The following NFIB variants were observed in gnomAD, a reference collection of about 807,000 sequenced individuals.
NFIB encodes nuclear factor I B.
NFIB carries 11 observed loss-of-function variants against 61.5 expected under a neutral mutation model. That is an observed-to-expected ratio of 0.18 (90% CI 0.11 to 0.30). The LOEUF (loss-of-function observed/expected upper bound fraction) is 0.30, where lower values mean the gene tolerates loss of function less well. Ranked by LOEUF, NFIB falls within the 10% of genes least tolerant of loss-of-function variation. NFIB has a pLI of 1.00. For missense variants in NFIB, 471 were observed against 608.9 expected (o/e 0.77, Z 2.38); for synonymous variants, 260 against 216.5 (o/e 1.20, Z -1.76).
intron 1 of NFIB, among the ~76,000 whole-genome samples, chr9:14,376,253 T>C (rs2061417907): frequency 1.3e-5 from 2 of 152,168 alleles, no homozygotes; most frequent in Non-Finnish European, 2.9e-5. Flanking sequence ...TGTGCATAAC[T>C]AAAGAGCAGA....
chr9:14,280,331 T>C (rs1044431390), intron 2 of NFIB, among the ~76,000 whole-genome samples: 4 of 152,096 alleles, frequency 2.6e-5, no homozygotes, highest in Non-Finnish European at 5.9e-5. Context: ...GGGGCTGATG[T>C]AAGGAATAGA....
At chr9:14,395,901 TG>T (rs1410301128) in intron 1 of NFIB, among the ~76,000 whole-genome samples, 2 of 149,668 alleles carry the variant, frequency 1.3e-5, no homozygotes, top group Non-Finnish European at 3.0e-5. Context: ...GGGGTGTGGG[TG>T]GGGGTGGGGA....
chr9:14,366,407 C>T (rs2061300582), intron 1 of NFIB, among the ~76,000 whole-genome samples: 2 of 152,224 alleles, frequency 1.3e-5, no homozygotes, highest in Admixed American at 1.3e-4. Flanking sequence ...CTGCTGAAGA[C>T]AAGACCACTT....
At chr9:14,315,716 G>A (rs1173049975), upstream of NFIB, among the ~76,000 whole-genome samples, 1 of 151,392 alleles carries the variant, frequency 6.6e-6, no homozygotes, top group Admixed American at 6.6e-5. Context: ...AAGGCGGTTC[G>A]CCTTGCACCC....
At chr9:14,268,788 T>C (rs1386660707) in intron 2 of NFIB, among the ~76,000 whole-genome samples, 1 of 152,216 alleles carries the variant, frequency 6.6e-6, no homozygotes, top group African/African-American at 2.4e-5. Flanking sequence ...GGTCTTCATA[T>C]TTCTCTAACC....
intron 2 of NFIB, among the ~76,000 whole-genome samples, chr9:14,248,953 C>T (rs1387364500): frequency 6.6e-6 from 1 of 152,176 alleles, no homozygotes; most frequent in African/African-American, 2.4e-5. Flanking sequence ...ATTTGAACAC[C>T]TGAATCAAAC....
the NFIB span, among the ~76,000 whole-genome samples, chr9:14,453,811 G>A: frequency 3.3e-5 from 5 of 152,118 alleles, no homozygotes; most frequent in African/African-American, 7.2e-5. Flanking sequence ...GGCTGGGCAC[G>A]GTGGCTCACA....
chr9:14,214,555 A>G (rs2050651971), intron 2 of NFIB, among the ~76,000 whole-genome samples: 1 of 152,228 alleles, frequency 6.6e-6, no homozygotes, highest in African/African-American at 2.4e-5. Flanking sequence ...CTTTCCTCTA[A>G]GAAACTGCCA....
At chr9:14,175,650 A>G (rs1264628624) in intron 3 of NFIB, among the ~76,000 whole-genome samples, 2 of 152,206 alleles carry the variant, frequency 1.3e-5, no homozygotes, top group African/African-American at 4.8e-5. Flanking sequence ...AGGTGTTGCC[A>G]CACTACATGC....
At chr9:14,311,022 T>C (rs182115510) in intron 1 of NFIB, among the ~76,000 whole-genome samples, 2 of 152,236 alleles carry the variant, frequency 1.3e-5, no homozygotes, top group Non-Finnish European at 2.9e-5. Flanking sequence ...ATCATGCCAA[T>C]TGAAAGTTAT....
At chr9:14,403,453 C>T (rs911657942), upstream of NFIB, among the ~76,000 whole-genome samples, 10 of 152,114 alleles carry the variant, frequency 6.6e-5, no homozygotes, top group Admixed American at 3.3e-4. Flanking sequence ...TTGTAATTTT[C>T]AGACTCTTAA....
chr9:14,274,484 T>C (rs2057861003), intron 2 of NFIB, among the ~76,000 whole-genome samples: 2 of 152,206 alleles, frequency 1.3e-5, no homozygotes, highest in Admixed American at 1.3e-4. Context: ...TGAGCAGCTT[T>C]TCTTTGTCGT....
At chr9:14,510,087 G>C in the NFIB span, among the ~76,000 whole-genome samples, 17 of 152,248 alleles carry the variant, frequency 1.1e-4, no homozygotes, top group African/African-American at 4.1e-4. Context: ...GTAGAGACAG[G>C]ATTTCACCAT....
chr9:14,320,818 AC>A (rs2060641662), intron 1 of NFIB, among the ~76,000 whole-genome samples: 1 of 152,170 alleles, frequency 6.6e-6, no homozygotes, highest in Non-Finnish European at 1.5e-5. Context: ...TCAAAAGTTA[AC>A]TTTTTCCCGC....
At chr9:14,344,814 T>C (rs2060999983) in intron 1 of NFIB, among the ~76,000 whole-genome samples, 3 of 152,034 alleles carry the variant, frequency 2.0e-5, no homozygotes, top group Admixed American at 2.0e-4. Flanking sequence ...ATGAAGGGCA[T>C]ACATACTAAA....
chr9:14,263,171 G>C (rs1383681035), intron 2 of NFIB, among the ~76,000 whole-genome samples: 2 of 151,248 alleles, frequency 1.3e-5, no homozygotes, highest in African/African-American at 4.9e-5. Flanking sequence ...ACATGATTTT[G>C]TTATTTGTAC....
the NFIB span, among the ~76,000 whole-genome samples, chr9:14,418,500 G>C: frequency 9.7e-4 from 148 of 152,298 alleles, no homozygotes; most frequent in African/African-American, 3.4e-3. Flanking sequence ...CTTAGAACCA[G>C]GGTGAAAAGA....
At chr9:14,288,988 A>G (rs2058895511) in intron 2 of NFIB, among the ~76,000 whole-genome samples, 1 of 151,640 alleles carries the variant, frequency 6.6e-6, no homozygotes, top group Non-Finnish European at 1.5e-5. Context: ...TACATACGGA[A>G]TCATATTAAA....
rs772746115 is a variant in NFIB, at chr9:14,307,098, G to C, written c.453C>G (p.Leu151=). The change falls in exon 2 of 11, where the codon CTC becomes CTG. Residue 151 remains leucine (L), a synonymous_variant. Transcript: ENST00000380953. This position sits in a 1 kb window ranked among gnomAD's most constrained non-coding sequence, Gnocchi z 5.3. ...IPLESTDGER[L]MKSPHCTNPA... is the part of the protein sequence containing the mutation. ...GGTTTGTGCAATGTGGGGATTTCATGAGCCGCTCTCCATCGGTACTTTCCA... is the reference window on the plus strand; with the variant it reads ...GGTTTGTGCAATGTGGGGATTTCATCAGCCGCTCTCCATCGGTACTTTCCA... 1 of 1,614,158 alleles carries C rather than the reference G, an allele frequency of 6.2e-7. No individual in the cohort carries two copies. The highest frequency in any genetic ancestry group is 8.5e-7 in the Non-Finnish European group (1 of 1,180,026).
Sources: gnomAD v4.1 joint callset for allele counts (sites outside exome capture counted in the v4.1 genomes callset) on GRCh38, gnomAD v4.1.1 for gene constraint, Gnocchi (gnomAD v3.1) non-coding constraint, MANE v1.5 for transcripts, NCBI Gene and HGNC (gene_info 2026-07-23, HGNC 2026-07-21) for gene names.